ARL8A: variants seen among roughly 807,000 people sequenced by gnomAD.
The protein encoded by ARL8A is ARF like GTPase 8A, also known as ADP-ribosylation factor-like protein 8A.
In ARL8A, 10 loss-of-function variants were observed where a neutral mutation model predicts 31.2. The observed-to-expected ratio is 0.32, with a 90% CI of 0.20 to 0.54. The LOEUF (loss-of-function observed/expected upper bound fraction) is 0.54, where lower values mean the gene tolerates loss of function less well. ARL8A is among the 20% of genes least tolerant of loss of function. The probability of loss-of-function intolerance (pLI) is 0.93; values close to 1 mark genes in which losing one functional copy is unlikely to be tolerated. For missense variants in ARL8A, 129 were observed against 242.8 expected (o/e 0.53, Z 3.12); for synonymous variants, 70 against 86.9 (o/e 0.81, Z 1.08).
intron 1 of ARL8A, among the ~76,000 whole-genome samples, chr1:202,141,646 AAAAAAAAAGAAAAAAG>A (rs1443680758): frequency 1.3e-5 from 2 of 150,760 alleles, no homozygotes; most frequent in East Asian, 1.9e-4. Flanking sequence ...CTGTCTCAAA[AAAAAAAAAGAAAAAAG>A]AAAAAAAAGA....
chr1:202,140,895 T>C (rs1383013626), intron 1 of ARL8A, among the ~76,000 whole-genome samples: 1 of 152,204 alleles, frequency 6.6e-6, no homozygotes, highest in Non-Finnish European at 1.5e-5. Flanking sequence ...CTTGAACTTC[T>C]CTGGACCTCA....
rs748655463 is a variant in ARL8A at position 202,136,431 on chromosome 1, C to T, written c.279-631G>A. ...AGTAACTGGGACTACAGGCACATGC[C>T]GCCACGCCCGGCTAATTTTTTGTAT... On this transcript the variant is annotated intron_variant, in intron 3 of 6. Coordinates refer to ENST00000272217, the MANE Select transcript of ARL8A (RefSeq NM_138795.4). 2.6e-5 allele frequency among the ~76,000 whole-genome samples: 4 copies of T among 152,130 alleles called. No homozygotes were observed. In the East Asian group the frequency reaches 7.7e-4, roughly 29 times the overall value.
Position 202,135,305 on chromosome 1 carries a change from C to T in ARL8A, c.441-85G>A. ...GGGGACAGCGGGGCCTTTTTCTTACCTAAGAGGCTACAAAGGGGAGGGTGA... is the reference window on the plus strand; with the variant it reads ...GGGGACAGCGGGGCCTTTTTCTTACTTAAGAGGCTACAAAGGGGAGGGTGA... On this transcript the variant is annotated intron_variant, in intron 5 of 6. Transcript: ENST00000272217. This position sits in a 1 kb window ranked among gnomAD's most constrained non-coding sequence, Gnocchi z 5.3. 6.7e-7 allele frequency: 1 copy of T among 1,487,224 alleles called. No homozygotes were observed. Among genetic ancestry groups the T allele is most frequent in the Non-Finnish European group, 9.4e-7 (1 of 1,065,868 alleles). 92.1% of individuals were successfully genotyped at this position (1,487,224 alleles called of 1,614,324 possible).
intron 3 of ARL8A, among the ~76,000 whole-genome samples, chr1:202,136,923 C>T (rs570651378): frequency 1.2e-3 from 176 of 152,058 alleles, no homozygotes; most frequent in African/African-American, 4.1e-3. Context: ...GATGCGATCT[C>T]GGCTCACTGC....
intron 3 of ARL8A, among the ~76,000 whole-genome samples, chr1:202,136,037 TG>T (rs1387535815): frequency 1.3e-5 from 2 of 152,276 alleles, no homozygotes; most frequent in Middle Eastern, 3.4e-3. Context: ...AGTGCTACTC[TG>T]GGGAAGCCGT....
intron 1 of ARL8A, among the ~76,000 whole-genome samples, chr1:202,143,657 T>TA (rs1468694723): frequency 5.9e-5 from 9 of 152,226 alleles, no homozygotes; most frequent in African/African-American, 2.2e-4. Context: ...CTGAAAGACT[T>TA]ACAATCACCC....
At chr1:202,141,964 T>C (rs558708454) in intron 1 of ARL8A, among the ~76,000 whole-genome samples, 5 of 151,896 alleles carry the variant, frequency 3.3e-5, no homozygotes, top group African/African-American at 1.2e-4. Flanking sequence ...GCCTCCTGGG[T>C]TCAAGCAATT....
rs768041521 is a variant in ARL8A, at chr1:202,135,566, C to T, written c.373-40G>A. The T allele has an allele frequency of 1.9e-6, 3 of 1,608,178 alleles. No individual in the cohort carries two copies. The highest frequency in any genetic ancestry group is 1.7e-5 in the Admixed American group (1 of 59,990). On this transcript the variant is annotated intron_variant, in intron 4 of 6. Coordinates refer to ENST00000272217, the MANE Select transcript of ARL8A (RefSeq NM_138795.4). The surrounding 1 kb of genome is among the most constrained non-coding windows in gnomAD (Gnocchi z 5.3). The stretch of plus-strand genomic sequence containing the variant: ...GGGTGAGGATGAGGTCTAGGGCAGC[C>T]GTGCCCAGGTTGTCTGGGTGGTGAG...
intron 1 of ARL8A, among the ~76,000 whole-genome samples, chr1:202,140,692 A>C (rs1317905500): frequency 6.6e-6 from 1 of 152,190 alleles, no homozygotes; most frequent in African/African-American, 2.4e-5. Context: ...AAAAGTTCTG[A>C]GAGCCCCCAA....
chr1:202,133,748 C>T lies in ARL8A; in HGVS notation c.*719G>A, dbSNP rs1006355803. ...GGGCATGGACGCTGGCTTTCTGCCCCGTGTGCCTGGTGGTTTCTGGTACCT... is the reference window on the plus strand; with the variant it reads ...GGGCATGGACGCTGGCTTTCTGCCCTGTGTGCCTGGTGGTTTCTGGTACCT... On this transcript the variant is annotated 3_prime_UTR_variant, in exon 7 of 7. Transcript: ENST00000272217. 2.0e-5 allele frequency: 3 copies of T among 151,942 alleles called. No individual in the cohort carries two copies. Among genetic ancestry groups the T allele is most frequent in the African/African-American group, 4.8e-5 (2 of 41,370 alleles). The allele number at this position is 151,942 out of a possible 1,614,324, so 9.4% of individuals were successfully genotyped here.
At chr1:202,141,402 G>A (rs942496204) in intron 1 of ARL8A, among the ~76,000 whole-genome samples, 2 of 152,070 alleles carry the variant, frequency 1.3e-5, no homozygotes, top group African/African-American at 4.8e-5. Flanking sequence ...AGCACTTTGG[G>A]AGGCTGAGGC....
rs1357541023 is a variant in ARL8A, at chr1:202,135,236, G to A, written c.441-16C>T. The A allele has an allele frequency of 1.9e-6, 3 of 1,612,276 alleles. No individual in the cohort carries two copies. The highest frequency in any genetic ancestry group is 1.3e-5 in the African/African-American group (1 of 74,984). ...AGACAGATTCCTGGGGGAAACCAGA[G>A]TAGAGTCCGCTGAGGCTACGAACGT... On this transcript the variant is annotated splice_polypyrimidine_tract_variant and intron_variant, in intron 5 of 6. Transcript: ENST00000272217. The surrounding 1 kb of genome is among the most constrained non-coding windows in gnomAD (Gnocchi z 5.3).
Position 202,138,091 on chromosome 1 carries a change from T to A in ARL8A, c.205-53A>T, listed in dbSNP as rs1655062269. 6.2e-7 allele frequency: 1 copy of A among 1,602,024 alleles called. No individual in the cohort carries two copies. Among genetic ancestry groups the A allele is most frequent in the Non-Finnish European group, 8.5e-7 (1 of 1,170,322 alleles). ...CAGTAGTGGGCAGGCCACCAAAACG[T>A]GTCTTGGGTCTCAAATGCCCCCTCC... On this transcript the variant is annotated intron_variant, in intron 2 of 6. Coordinates refer to ENST00000272217, the MANE Select transcript of ARL8A (RefSeq NM_138795.4). The surrounding 1 kb of genome is among the most constrained non-coding windows in gnomAD (Gnocchi z 4.4).
intron 3 of ARL8A, among the ~76,000 whole-genome samples, chr1:202,136,421 A>G (rs1655007936): frequency 6.6e-6 from 1 of 152,146 alleles, no homozygotes; most frequent in Non-Finnish European, 1.5e-5. Context: ...CTGGGACTAC[A>G]GGCACATGCC....
At position 202,134,462 on chromosome 1, in the gene ARL8A, G is replaced by A. The variant is rs772172377; in HGVS notation, c.*5C>T. ...TCCCTGGTCTGAGGGAGAAGGGCTG[G>A]AGTCTCAGCTTCTCCGTGACTTCGA... is the stretch of plus-strand genomic sequence containing the variant. On this transcript the variant is annotated 3_prime_UTR_variant, in exon 7 of 7. Coordinates refer to ENST00000272217, the MANE Select transcript of ARL8A (RefSeq NM_138795.4). The surrounding 1 kb of genome is among the most constrained non-coding windows in gnomAD (Gnocchi z 4.2). The A allele has an allele frequency of 1.2e-6, 2 of 1,612,242 alleles. No homozygotes were observed. Among genetic ancestry groups the A allele is most frequent in the African/African-American group, 2.7e-5 (2 of 74,830 alleles).
rs1425538563 is a variant in ARL8A, at chr1:202,138,190, AC to A, written c.205-153del. ...CCCCGTCTCCACCCGCTCTCCGTCTACCTTAGAAGTCTTCTACTGTCTTTTC... is the reference window on the plus strand; with the variant it reads ...CCCCGTCTCCACCCGCTCTCCGTCTACTTAGAAGTCTTCTACTGTCTTTTC... On this transcript the variant is annotated intron_variant, in intron 2 of 6. Coordinates refer to ENST00000272217, the MANE Select transcript of ARL8A (RefSeq NM_138795.4). This position sits in a 1 kb window ranked among gnomAD's most constrained non-coding sequence, Gnocchi z 4.4. 2.6e-6 allele frequency: 3 copies of A among 1,154,276 alleles called. No individual in the cohort carries two copies. Among genetic ancestry groups the A allele is most frequent in the Non-Finnish European group, 3.7e-6 (3 of 801,008 alleles). The allele number at this position is 1,154,276 out of a possible 1,614,324, so 71.5% of individuals were successfully genotyped here. A position where few individuals can be genotyped will look rare whatever the true frequency, so the allele number is the denominator to read the frequency against.
At chr1:202,143,349 C>T (rs185856260) in intron 1 of ARL8A, among the ~76,000 whole-genome samples, 1 of 152,188 alleles carries the variant, frequency 6.6e-6, no homozygotes, top group Non-Finnish European at 1.5e-5. Context: ...GGCAACAACA[C>T]GGACAGGTAG....
intron 1 of ARL8A, among the ~76,000 whole-genome samples, chr1:202,140,136 T>C (rs946296970): frequency 2.6e-5 from 2 of 76,118 alleles, no homozygotes; most frequent in African/African-American, 6.8e-5. Context: ...TTTGATTCCC[T>C]TTTTTTTTTT....
rs1558306310 is a variant in ARL8A, at chr1:202,138,415, C to T, written c.157G>A (p.Val53Met). ...GQFNEDMIPT[V>M]GFNMRKITKG... ...GTGATTTTGCGCATGTTGAAACCCA[C>T]GGTGGGGATCATGTCCTCGTTGAAC... The change falls in exon 2 of 7, where the codon GTG (valine) becomes ATG (methionine). Residue 53 changes from valine (V) to methionine (M), a missense_variant. Val to Met is a conservative substitution (Grantham distance 21). Coordinates refer to ENST00000272217, the MANE Select transcript of ARL8A (RefSeq NM_138795.4). The surrounding 1 kb of genome is among the most constrained non-coding windows in gnomAD (Gnocchi z 4.4). 2.5e-6 allele frequency: 4 copies of T among 1,614,094 alleles called. No homozygotes were observed. Among genetic ancestry groups the T allele is most frequent in the Non-Finnish European group, 3.4e-6 (4 of 1,180,010 alleles).
Sources: allele counts gnomAD v4.1 joint callset (sites outside exome capture counted in the v4.1 genomes callset), GRCh38; gene constraint gnomAD v4.1.1; non-coding constraint Gnocchi (gnomAD v3.1); transcripts MANE v1.5; gene names NCBI Gene and HGNC (gene_info 2026-07-23, HGNC 2026-07-21).